Variants in NLGN1 observed in about 807,000 individuals in gnomAD.
NLGN1 encodes neuroligin 1, also known as neuroligin-1.
NLGN1 carries 12 observed loss-of-function variants against 65.5 expected under a neutral mutation model. That is an observed-to-expected ratio of 0.18 (90% CI 0.12 to 0.30). NLGN1 has a LOEUF of 0.30. NLGN1 is among the 10% of genes least tolerant of loss of function. NLGN1 has a pLI of 1.00. For missense variants in NLGN1, 750 were observed against 1,007.1 expected (o/e 0.74, Z 3.46); for synonymous variants, 350 against 359.5 (o/e 0.97, Z 0.30).
At chr3:174,024,387 A>C (rs1359841667) in intron 4 of NLGN1, among the ~76,000 whole-genome samples, 1 of 152,132 alleles carries the variant, frequency 6.6e-6, no homozygotes, top group African/African-American at 2.4e-5. Flanking sequence ...ATAGGAGTGC[A>C]TCCCTCCTCA....
chr3:174,003,669 A>G (rs1579699526), intron 4 of NLGN1, among the ~76,000 whole-genome samples: 2 of 152,288 alleles, frequency 1.3e-5, no homozygotes, highest in East Asian at 1.9e-4. Flanking sequence ...CGGTGTACAA[A>G]TAGGATTTGT....
intron 1 of NLGN1, among the ~76,000 whole-genome samples, chr3:173,422,193 A>G (rs1715223712): frequency 6.6e-6 from 1 of 152,152 alleles, no homozygotes; most frequent in African/African-American, 2.4e-5. Flanking sequence ...TTCAGCTATA[A>G]AAAGAAGGAA....
intron 4 of NLGN1, among the ~76,000 whole-genome samples, chr3:174,001,545 T>C (rs1723287783): frequency 6.6e-6 from 1 of 152,156 alleles, no homozygotes; most frequent in Admixed American, 6.5e-5. Flanking sequence ...GTAAAATGTA[T>C]TGTAGGGGTT....
intron 3 of NLGN1, among the ~76,000 whole-genome samples, chr3:173,637,473 A>C (rs1298004462): frequency 6.6e-6 from 1 of 152,090 alleles, no homozygotes; most frequent in Non-Finnish European, 1.5e-5. Context: ...AGCTTTTTAT[A>C]TTCTCTTGTT....
At chr3:173,707,289 A>G (rs1428273671) in intron 3 of NLGN1, among the ~76,000 whole-genome samples, 1 of 152,170 alleles carries the variant, frequency 6.6e-6, no homozygotes, top group Non-Finnish European at 1.5e-5. Context: ...TTTGGAAAAG[A>G]ATATGAGACA....
intron 4 of NLGN1, among the ~76,000 whole-genome samples, chr3:174,072,882 T>G (rs1412101746): frequency 6.6e-6 from 1 of 152,134 alleles, no homozygotes; most frequent in Non-Finnish European, 1.5e-5. Context: ...ACCTATGAAG[T>G]AGATTTGAAA....
At chr3:174,209,619 C>CTTTTTTT (rs1184386254) in intron 4 of NLGN1, among the ~76,000 whole-genome samples, 2 of 97,282 alleles carry the variant, frequency 2.1e-5, no homozygotes, top group African/African-American at 9.3e-5. Flanking sequence ...ATCAACCTTT[C>CTTTTTTT]TTTCTTTTTT....
intron 2 of NLGN1, among the ~76,000 whole-genome samples, chr3:173,513,249 G>C (rs1733280867): frequency 6.6e-6 from 1 of 151,730 alleles, no homozygotes; most frequent in Non-Finnish European, 1.5e-5. Flanking sequence ...GATAATTGCT[G>C]TGAGGAGGTG....
At chr3:173,519,057 C>T (rs373520807) in intron 2 of NLGN1, among the ~76,000 whole-genome samples, 90 of 152,274 alleles carry the variant, frequency 5.9e-4, no homozygotes, top group Non-Finnish European at 1.2e-3. Context: ...CTGAAAGGGG[C>T]CCAGCTACAG....
chr3:173,767,548 A>T (rs1331364913), intron 3 of NLGN1, among the ~76,000 whole-genome samples: 1 of 152,088 alleles, frequency 6.6e-6, no homozygotes, highest in Non-Finnish European at 1.5e-5. Flanking sequence ...ACAGAGAATT[A>T]TCCAGAAAGT....
chr3:173,432,058 T>A (rs185646291), intron 1 of NLGN1, among the ~76,000 whole-genome samples: 1 of 152,210 alleles, frequency 6.6e-6, no homozygotes, highest in African/African-American at 2.4e-5. Flanking sequence ...CATGGCTTGA[T>A]AGCTCATTTC....
chr3:173,579,789 C>T (rs1746093497), intron 2 of NLGN1, among the ~76,000 whole-genome samples: 1 of 152,148 alleles, frequency 6.6e-6, no homozygotes, highest in African/African-American at 2.4e-5. Flanking sequence ...TCATAATTCC[C>T]AATTGCCATT....
chr3:173,479,430 G>A (rs1726858798), intron 2 of NLGN1, among the ~76,000 whole-genome samples: 1 of 152,188 alleles, frequency 6.6e-6, no homozygotes, highest in Admixed American at 6.5e-5. Flanking sequence ...TGGTTCCATA[G>A]AGCTGGATAC....
intron 2 of NLGN1, among the ~76,000 whole-genome samples, chr3:173,521,097 A>G (rs1356935664): frequency 6.6e-6 from 1 of 152,174 alleles, no homozygotes; most frequent in Non-Finnish European, 1.5e-5. Context: ...AAGAATAAAC[A>G]CATTCTGCTG....
At chr3:173,669,746 C>T (rs1289967639) in intron 3 of NLGN1, among the ~76,000 whole-genome samples, 1 of 152,048 alleles carries the variant, frequency 6.6e-6, no homozygotes, top group Non-Finnish European at 1.5e-5. Context: ...TGGGTGCTTC[C>T]TAGTATTTTT....
intron 3 of NLGN1, among the ~76,000 whole-genome samples, chr3:173,620,714 GA>G (rs1365948120): frequency 6.6e-6 from 1 of 151,994 alleles, no homozygotes; most frequent in Non-Finnish European, 1.5e-5. Flanking sequence ...TTGGGAGAGA[GA>G]TAAGTATGTC....
At chr3:173,498,637 C>A (rs1730454605) in intron 2 of NLGN1, among the ~76,000 whole-genome samples, 1 of 151,832 alleles carries the variant, frequency 6.6e-6, no homozygotes, top group African/African-American at 2.4e-5. Flanking sequence ...ACACTGACTT[C>A]CACAATGCTT....
intron 2 of NLGN1, among the ~76,000 whole-genome samples, chr3:173,533,132 T>C (rs1308379117): frequency 6.6e-6 from 1 of 152,230 alleles, no homozygotes; most frequent in Non-Finnish European, 1.5e-5. Flanking sequence ...AGATTTAATC[T>C]TTAGAACAAC....
rs1204819217 is a variant in NLGN1, at chr3:173,920,901, AT to A, written c.646+113070del. On this transcript the variant is annotated intron_variant, in intron 4 of 6. Coordinates refer to ENST00000457714, the Ensembl canonical transcript of NLGN1. The stretch of plus-strand genomic sequence containing the variant: ...GTAGCTGGCTGATAAATGTATACAT[AT>A]GTTTAAAATGAGAAGCTTATAGTTT... 5 of 152,090 alleles carry A rather than the reference AT, an allele frequency of 3.3e-5. No homozygotes were observed. The East Asian group carries it at 9.6e-4, about 29-fold the overall frequency. The allele number at this position is 152,090 out of a possible 1,614,324, so 9.4% of individuals were successfully genotyped here.
Sources: allele counts gnomAD v4.1 joint callset (sites outside exome capture counted in the v4.1 genomes callset), GRCh38; gene constraint gnomAD v4.1.1; transcripts MANE v1.5; gene names NCBI Gene and HGNC (gene_info 2026-07-23, HGNC 2026-07-21).